NF1: variants seen among roughly 807,000 people sequenced by gnomAD.
NF1 encodes neurofibromin 1.
NF1 carries 122 observed loss-of-function variants against 325.7 expected under a neutral mutation model. The ratio of observed to expected loss-of-function variants is 0.37; its 90% CI spans 0.32 to 0.44. The LOEUF (loss-of-function observed/expected upper bound fraction) is 0.44, where lower values mean the gene tolerates loss of function less well. Among genes scored for constraint, NF1 ranks in the 20% least tolerant of loss-of-function variants. The pLI is 1.00. For synonymous variants in NF1, 1,091 were observed against 1,186.0 expected, an observed-to-expected ratio of 0.92 and a Z score of 1.65; for missense variants, 2,140 against 3,415.4, an observed-to-expected ratio of 0.63 and a Z score of 9.31.
At chr17:31,367,699 T>G (rs2070554536) in intron 57 of NF1, among the ~76,000 whole-genome samples, 1 of 152,102 alleles carries the variant, frequency 6.6e-6, no homozygotes, top group Non-Finnish European at 1.5e-5. Flanking sequence ...TTCAATCACC[T>G]GTGGTTAAAA....
chr17:31,162,409 G>A (rs966935235), intron 3 of NF1, among the ~76,000 whole-genome samples: 1 of 152,188 alleles, frequency 6.6e-6, no homozygotes, highest in African/African-American at 2.4e-5. Flanking sequence ...CCCTGGAGGT[G>A]GAAGTTGCAG....
At chr17:31,109,790 C>G (rs886704858) in intron 1 of NF1, among the ~76,000 whole-genome samples, 2 of 152,178 alleles carry the variant, frequency 1.3e-5, no homozygotes, top group African/African-American at 2.4e-5. Flanking sequence ...GATTCTTGTT[C>G]TTCTTTCCTC....
intron 50 of NF1, among the ~76,000 whole-genome samples, chr17:31,351,418 C>A (rs1459799941): frequency 2.0e-5 from 3 of 151,832 alleles, no homozygotes; most frequent in South Asian, 2.1e-4. Flanking sequence ...TTTTATTTTT[C>A]TTTATTAATT....
intron 51 of NF1, chr17:31,356,055 T>C (rs2070261905): frequency 1.2e-5 from 2 of 164,548 alleles, no homozygotes; most frequent in Admixed American, 5.9e-5. Context: ...CATGTATTAA[T>C]GAGTAGTTCT....
chr17:31,143,121 A>C (rs1916350082), intron 1 of NF1, among the ~76,000 whole-genome samples: 1 of 152,134 alleles, frequency 6.6e-6, no homozygotes, highest in Admixed American at 6.5e-5. Context: ...AGCAAATATC[A>C]GTGTTTTTAT....
chr17:31,141,031 G>A (rs1288481958), intron 1 of NF1, among the ~76,000 whole-genome samples: 1 of 152,274 alleles, frequency 6.6e-6, no homozygotes, highest in East Asian at 1.9e-4. Context: ...TGTATAACAT[G>A]AAGACTATAG....
intron 1 of NF1, among the ~76,000 whole-genome samples, chr17:31,132,932 G>T (rs925895806): frequency 6.6e-6 from 1 of 152,164 alleles, no homozygotes; most frequent in Non-Finnish European, 1.5e-5. Context: ...CTCCCAAAGT[G>T]CTGGGATTAC....
chr17:31,222,399 G>T, intron 15 of NF1: 1 of 1,034,176 alleles, frequency 9.7e-7, no homozygotes, highest in Non-Finnish European at 1.2e-6. Context: ...AGAATTTTGT[G>T]GTCTGCTTCC....
intron 29 of NF1, among the ~76,000 whole-genome samples, chr17:31,238,713 G>A (rs1481086207): frequency 2.0e-5 from 3 of 149,922 alleles, no homozygotes; most frequent in South Asian, 2.1e-4. Flanking sequence ...CAGCCTGGGC[G>A]ACAGAGCGAG....
Position 31,242,305 on chromosome 17 carries a change from C to CTTTTTT in NF1, c.3974+6306_3974+6311dup, listed in dbSNP as rs200376987. On this transcript the variant is annotated intron_variant, in intron 29 of 57. Coordinates refer to ENST00000358273, the MANE Select transcript of NF1 (RefSeq NM_001042492.3). ...TCTTTCCCTAGGTTTCATAAGTTCT[C>CTTTTTT]TTTTTTTTTTTTTTTTTTTTTTTTT... Among the ~76,000 whole-genome samples the CTTTTTT allele has an allele frequency of 1.3e-3, 89 of 68,858 alleles. 20 individuals carry two copies. The highest frequency in any genetic ancestry group is 4.3e-3 in the African/African-American group (69 of 16,008). The allele number at this position is 68,858 out of a possible 152,430, so 45.2% of individuals were successfully genotyped here. A position where few individuals can be genotyped will look rare whatever the true frequency, so the allele number is the denominator to read the frequency against.
At position 31,095,283 on chromosome 17, in the gene NF1, C is replaced by T. The variant is rs528844929; in HGVS notation, c.-27C>T. On this transcript the variant is annotated 5_prime_UTR_variant, in exon 1 of 58. Transcript: ENST00000358273. ...CCAGGGCGCCGGCCCACCCTTCCCTCCGCCGCCCCCCGGCCGCGGGGAGGA... is the reference window on the plus strand; with the variant it reads ...CCAGGGCGCCGGCCCACCCTTCCCTTCGCCGCCCCCCGGCCGCGGGGAGGA... The T allele has an allele frequency of 8.3e-5, 127 of 1,534,796 alleles. No homozygotes were observed. Among genetic ancestry groups the T allele is most frequent in the Non-Finnish European group, 1.0e-4 (117 of 1,145,846 alleles).
At chr17:31,317,587 T>A (rs918049167) in intron 36 of NF1, 8 of 152,202 alleles carry the variant, frequency 5.3e-5, no homozygotes, top group Admixed American at 5.2e-4. Context: ...ATCTTATTTA[T>A]TTTAGTTGTG....
chr17:31,109,829 G>C (rs566429767), intron 1 of NF1, among the ~76,000 whole-genome samples: 1 of 152,206 alleles, frequency 6.6e-6, no homozygotes, highest in East Asian at 1.9e-4. Context: ...TATTTTAAAA[G>C]CCTTTACATA....
Position 31,119,507 on chromosome 17 carries a change from A to G in NF1, c.60+24138A>G, listed in dbSNP as rs185945628. ...TTTAAGTTCTTTGTAGATTCTGGAT[A>G]TTAGCCCTTGGTCAGATGGAGAGAT... On this transcript the variant is annotated intron_variant, in intron 1 of 57. Transcript: ENST00000358273. 3.7e-3 allele frequency among the ~76,000 whole-genome samples: 561 copies of G among 150,218 alleles called. 3 individuals carry two copies. The highest frequency in any genetic ancestry group is 8.6e-3 in the South Asian group (41 of 4,762).
At chr17:31,188,550 G>A (rs1048614383) in intron 8 of NF1, among the ~76,000 whole-genome samples, 1 of 152,118 alleles carries the variant, frequency 6.6e-6, no homozygotes, top group Admixed American at 6.6e-5. Flanking sequence ...GATATGTATG[G>A]GTTCAAGTTG....
chr17:31,202,493 T>TA (rs1294409159), intron 11 of NF1, among the ~76,000 whole-genome samples: 1 of 152,222 alleles, frequency 6.6e-6, no homozygotes, highest in Non-Finnish European at 1.5e-5. Context: ...TATTTGGTGA[T>TA]ACATTTAATT....
intron 36 of NF1, among the ~76,000 whole-genome samples, chr17:31,316,891 G>A (rs58877437): frequency 0.12 from 18,157 of 151,982 alleles, 2,985 homozygotes; most frequent in African/African-American, 0.37. Context: ...ATAGCTAGAC[G>A]TTTGAATTTG....
At chr17:31,353,268 G>A (rs2070197630) in intron 51 of NF1, among the ~76,000 whole-genome samples, 1 of 152,140 alleles carries the variant, frequency 6.6e-6, no homozygotes, top group South Asian at 2.1e-4. Context: ...TAGAATTTTT[G>A]TCTCTGAGAA....
At chr17:31,159,142 G>GA in intron 3 of NF1, 49 bp downstream of exon 3, 1 of 1,252,270 alleles carries the variant, frequency 8.0e-7, no homozygotes, top group Non-Finnish European at 1.2e-6. Context: ...TTGATCTTGA[G>GA]AATGATCTTA....
Sources: allele counts gnomAD v4.1 joint callset (sites outside exome capture counted in the v4.1 genomes callset), GRCh38; gene constraint gnomAD v4.1.1; transcripts MANE v1.5; gene names NCBI Gene and HGNC (gene_info 2026-07-23, HGNC 2026-07-21).